The following RANBP2 variants were observed in gnomAD, a reference collection of about 807,000 sequenced individuals.
The protein encoded by RANBP2 is E3 SUMO-protein ligase RanBP2.
RANBP2 carries 57 observed loss-of-function variants against 303.6 expected under a neutral mutation model. The ratio of observed to expected loss-of-function variants is 0.19; its 90% CI spans 0.15 to 0.23. The LOEUF is 0.23. Among genes scored for constraint, RANBP2 ranks in the 10% least tolerant of loss-of-function variants. The pLI is 1.00. For missense variants in RANBP2, 3,138 were observed against 3,780.8 expected, an observed-to-expected ratio of 0.83 and a Z score of 4.46; for synonymous variants, 1,167 against 1,301.5, an observed-to-expected ratio of 0.90 and a Z score of 2.23.
the RANBP2 span, among the ~76,000 whole-genome samples, chr2:109,185,250 G>A: frequency 3.3e-5 from 5 of 152,228 alleles, no homozygotes; most frequent in Admixed American, 6.5e-5. Context: ...ACAGGGACAT[G>A]TTATCAGGTA....
the RANBP2 span, among the ~76,000 whole-genome samples, chr2:109,239,988 G>A: frequency 6.6e-6 from 1 of 152,212 alleles, no homozygotes; most frequent in African/African-American, 2.4e-5. Flanking sequence ...ATCCTCTGTG[G>A]AATGCTTGCT....
At chr2:109,457,130 A>G in the RANBP2 span, among the ~76,000 whole-genome samples, 2 of 152,154 alleles carry the variant, frequency 1.3e-5, no homozygotes, top group Non-Finnish European at 2.9e-5. Flanking sequence ...AGCACCTACC[A>G]CCCTGAGTTG....
the RANBP2 span, among the ~76,000 whole-genome samples, chr2:109,499,161 G>A: frequency 2.0e-5 from 3 of 152,082 alleles, no homozygotes; most frequent in African/African-American, 7.3e-5. Flanking sequence ...ACCCACAGGA[G>A]ACCTGCACGG....
chr2:109,280,384 C>G, the RANBP2 span, among the ~76,000 whole-genome samples: 2 of 152,126 alleles, frequency 1.3e-5, no homozygotes, highest in Non-Finnish European at 2.9e-5. Flanking sequence ...CAGCAGCATC[C>G]CACCTGAGTG....
At chr2:109,632,589 G>A in the RANBP2 span, among the ~76,000 whole-genome samples, 3 of 152,166 alleles carry the variant, frequency 2.0e-5, no homozygotes, top group Non-Finnish European at 4.4e-5. Flanking sequence ...CAAGGCAGGC[G>A]GATCACAAGG....
the RANBP2 span, among the ~76,000 whole-genome samples, chr2:109,370,488 C>T: frequency 6.6e-6 from 1 of 152,144 alleles, no homozygotes; most frequent in African/African-American, 2.4e-5. Context: ...GATCACCCGC[C>T]TCGACCTCCC....
chr2:109,545,764 T>C, the RANBP2 span: 10 of 1,426,804 alleles, frequency 7.0e-6, no homozygotes, highest in Admixed American at 5.8e-5. Flanking sequence ...AGCAGCCATT[T>C]TCCCCCAGCT....
the RANBP2 span, among the ~76,000 whole-genome samples, chr2:109,196,026 GT>G: frequency 6.6e-6 from 1 of 152,220 alleles, no homozygotes; most frequent in Non-Finnish European, 1.5e-5. Flanking sequence ...ACGCACACCT[GT>G]TTTTCCAAAG....
At chr2:109,151,406 T>G in the RANBP2 span, among the ~76,000 whole-genome samples, 1 of 152,158 alleles carries the variant, frequency 6.6e-6, no homozygotes, top group East Asian at 1.9e-4. Context: ...TGGTTCAAAT[T>G]CCTAATTTTA....
the RANBP2 span, among the ~76,000 whole-genome samples, chr2:109,335,117 G>A: frequency 2.6e-5 from 4 of 152,338 alleles, no homozygotes; most frequent in East Asian, 1.9e-4. Context: ...CGAACATTTC[G>A]TGTTTTCGGA....
chr2:109,437,216 C>T, the RANBP2 span: 7 of 1,515,798 alleles, frequency 4.6e-6, no homozygotes, highest in African/African-American at 8.2e-5. Context: ...TTGTGAGACA[C>T]ATCTTGGCCC....
chr2:108,939,845 C>T, the RANBP2 span, among the ~76,000 whole-genome samples: 1 of 152,160 alleles, frequency 6.6e-6, no homozygotes, highest in African/African-American at 2.4e-5. Flanking sequence ...CCCTGCCTCC[C>T]CCAGACCCAG....
At chr2:109,694,081 C>T in the RANBP2 span, among the ~76,000 whole-genome samples, 1 of 152,140 alleles carries the variant, frequency 6.6e-6, no homozygotes, top group African/African-American at 2.4e-5. Context: ...GGGTCTGTGT[C>T]CCCACCAAAT....
At chr2:108,787,261 C>G (rs931517146), downstream of RANBP2, among the ~76,000 whole-genome samples, 3 of 152,220 alleles carry the variant, frequency 2.0e-5, no homozygotes, top group African/African-American at 7.2e-5. Context: ...TAATTTCGGA[C>G]TTACTCAAAA....
the RANBP2 span, among the ~76,000 whole-genome samples, chr2:109,272,810 C>T: frequency 8.5e-5 from 13 of 152,188 alleles, no homozygotes; most frequent in Non-Finnish European, 1.6e-4. Flanking sequence ...CTGCCGCACA[C>T]GCAGGACGTC....
chr2:109,071,697 G>A, the RANBP2 span, among the ~76,000 whole-genome samples: 7 of 151,952 alleles, frequency 4.6e-5, no homozygotes, highest in Admixed American at 3.9e-4. Context: ...CATTTATGTA[G>A]AGATGTTAGG....
At chr2:109,463,378 C>G in the RANBP2 span, among the ~76,000 whole-genome samples, 8 of 152,252 alleles carry the variant, frequency 5.3e-5, no homozygotes, top group Non-Finnish European at 1.2e-4. Flanking sequence ...GCCCTGCCCC[C>G]CTTGCTCTGG....
chr2:109,733,887 G>T, the RANBP2 span, among the ~76,000 whole-genome samples: 1 of 149,952 alleles, frequency 6.7e-6, no homozygotes, highest in Admixed American at 6.7e-5. Flanking sequence ...AAAAAAAAAT[G>T]TCGGCCGGGC....
At chr2:109,047,739 G>A in the RANBP2 span, among the ~76,000 whole-genome samples, 1,096 of 152,372 alleles carry the variant, frequency 7.2e-3, 7 homozygotes, top group East Asian at 0.034. Flanking sequence ...GAACCTGGGA[G>A]GTGGAGGTGT....
Sources: allele counts gnomAD v4.1 joint callset (sites outside exome capture counted in the v4.1 genomes callset), GRCh38; gene constraint gnomAD v4.1.1; transcripts MANE v1.5; gene names NCBI Gene and HGNC (gene_info 2026-07-23, HGNC 2026-07-21).